Variants in CCDC7 observed in about 807,000 individuals in gnomAD.
CCDC7 encodes the protein coiled-coil domain containing 7.
Under a neutral mutation model 196.9 loss-of-function variants are expected in CCDC7, and 183 were observed. The observed-to-expected ratio is 0.93, with a 90% CI of 0.82 to 1.05. CCDC7 has a LOEUF of 1.05. Ranked by LOEUF, CCDC7 falls within the 50% of genes least tolerant of loss-of-function variation. CCDC7 has a pLI of 0.00. For synonymous variants in CCDC7, 525 were observed against 484.6 expected (o/e 1.08, Z -1.10); for missense variants, 1,540 against 1,482.2 (o/e 1.04, Z -0.64).
intron 28 of CCDC7, among the ~76,000 whole-genome samples, chr10:32,738,910 A>G (rs73261278): frequency 0.053 from 8,059 of 152,140 alleles, 708 homozygotes; most frequent in African/African-American, 0.18. Context: ...GCAACAAATT[A>G]TGTCATTTTT....
At chr10:32,511,556 G>A (rs1230708180) in intron 9 of CCDC7, 1 of 1,607,072 alleles carries the variant, frequency 6.2e-7, no homozygotes, top group Non-Finnish European at 8.5e-7. Context: ...TGAATTTAAT[G>A]TGTATGCAGA....
At chr10:32,597,932 A>G (rs1044048440) in intron 18 of CCDC7, among the ~76,000 whole-genome samples, 10 of 152,252 alleles carry the variant, frequency 6.6e-5, no homozygotes, top group Non-Finnish European at 1.3e-4. Context: ...GGTGCCTCCC[A>G]ATTAGGCTAC....
chr10:32,872,921 TG>T (rs1409579628), intron 41 of CCDC7, among the ~76,000 whole-genome samples: 1 of 152,192 alleles, frequency 6.6e-6, no homozygotes, highest in Admixed American at 6.5e-5. Flanking sequence ...GTTAGTCTGA[TG>T]GGCTTCCCTT....
intron 22 of CCDC7, 78 bp downstream of exon 23, chr10:32,686,158 TCTTGAATTTACAGAAATTTTACCTTGAA>T: frequency 2.8e-6 from 2 of 712,990 alleles, no homozygotes; most frequent in Non-Finnish European, 4.4e-6. Context: ...AGTTCATGAA[TCTTGAATTTACAGAAATTTTACCTTGAA>T]CCTAAAGTAT....
intron 4 of CCDC7, 23 bp downstream of exon 5, chr10:32,462,726 T>G (rs1295035240): frequency 6.9e-7 from 1 of 1,457,002 alleles, no homozygotes; most frequent in Non-Finnish European, 9.3e-7. Context: ...TATTACAGCT[T>G]AAGCCTACTA....
intron 29 of CCDC7, among the ~76,000 whole-genome samples, chr10:32,796,763 T>C (rs2083622855): frequency 6.6e-6 from 1 of 152,182 alleles, no homozygotes; most frequent in African/African-American, 2.4e-5. Context: ...ATAAATAAAA[T>C]GTACAATATA....
At chr10:32,871,098 G>C (rs2094412198) in intron 41 of CCDC7, among the ~76,000 whole-genome samples, 1 of 152,128 alleles carries the variant, frequency 6.6e-6, no homozygotes, top group South Asian at 2.1e-4. Context: ...TTGGTATCAG[G>C]ATGATGCTGG....
intron 20 of CCDC7, among the ~76,000 whole-genome samples, chr10:32,647,152 C>T (rs1391738114): frequency 6.6e-6 from 1 of 152,226 alleles, no homozygotes; most frequent in African/African-American, 2.4e-5. Context: ...TTTGAGACAT[C>T]TCCAAACTGC....
chr10:32,788,493 C>T (rs2082204078), intron 29 of CCDC7, among the ~76,000 whole-genome samples: 1 of 152,194 alleles, frequency 6.6e-6, no homozygotes, highest in Non-Finnish European at 1.5e-5. Flanking sequence ...TGCCCAGTGT[C>T]AGGTAATTTT....
At chr10:32,545,854 C>T (rs1439662018) in intron 13 of CCDC7, among the ~76,000 whole-genome samples, 21 of 148,186 alleles carry the variant, frequency 1.4e-4, no homozygotes, top group South Asian at 1.1e-3. Flanking sequence ...TGCAGTGAGC[C>T]GAGACCACAC....
chr10:32,642,163 A>G (rs2066923342), intron 20 of CCDC7, among the ~76,000 whole-genome samples: 1 of 151,888 alleles, frequency 6.6e-6, no homozygotes, highest in Non-Finnish European at 1.5e-5. Flanking sequence ...GAGAACCACT[A>G]CTCTCTTCAA....
intron 18 of CCDC7, among the ~76,000 whole-genome samples, chr10:32,622,679 TC>T (rs1262816219): frequency 6.6e-6 from 1 of 151,970 alleles, no homozygotes; most frequent in Non-Finnish European, 1.5e-5. Flanking sequence ...ATGCCTGTTC[TC>T]CATCCACTAG....
intron 13 of CCDC7, among the ~76,000 whole-genome samples, chr10:32,545,875 C>T (rs1244193224): frequency 4.1e-5 from 6 of 145,648 alleles, no homozygotes. Context: ...CACTGCACGC[C>T]AGCCTGGGCA....
In CCDC7 at chr10:32,694,872, T is replaced by G; in HGVS notation, c.2345-7T>G. ...CATTAAGAGACTAAATGCATCTCCT[T>G]ATGTAGCTCATGATGAAGAACCAGG... On this transcript the variant is annotated splice_region_variant and splice_polypyrimidine_tract_variant and intron_variant, in intron 23 of 41. Transcript: ENST00000639629. 1 of 1,565,708 alleles carries G rather than the reference T, an allele frequency of 6.4e-7. No homozygotes were observed. The highest frequency in any genetic ancestry group is 8.7e-7 in the Non-Finnish European group (1 of 1,146,878).
At chr10:32,772,835 C>A (rs1249630776) in intron 28 of CCDC7, among the ~76,000 whole-genome samples, 2 of 152,194 alleles carry the variant, frequency 1.3e-5, no homozygotes, top group Non-Finnish European at 2.9e-5. Context: ...ATGCCAGAGG[C>A]AACCTTCCGA....
At chr10:32,703,156 T>A (rs1231300492) in intron 24 of CCDC7, among the ~76,000 whole-genome samples, 1 of 152,126 alleles carries the variant, frequency 6.6e-6, no homozygotes, top group African/African-American at 2.4e-5. Context: ...CTGGTACTGG[T>A]TGTTCCTTTT....
At chr10:32,682,549 A>C (rs781768520) in intron 21 of CCDC7, among the ~76,000 whole-genome samples, 2 of 152,094 alleles carry the variant, frequency 1.3e-5, no homozygotes, top group Non-Finnish European at 2.9e-5. Flanking sequence ...TGGTAGTTCT[A>C]AGTTCTTTGA....
At chr10:32,602,996 T>C (rs11812730) in intron 18 of CCDC7, among the ~76,000 whole-genome samples, 8,074 of 152,208 alleles carry the variant, frequency 0.053, 710 homozygotes, top group African/African-American at 0.18. Flanking sequence ...TTTTGAAATA[T>C]AAAATATTTT....
At chr10:32,833,291 A>T (rs2092355636) in intron 32 of CCDC7, among the ~76,000 whole-genome samples, 1 of 151,976 alleles carries the variant, frequency 6.6e-6, no homozygotes, top group African/African-American at 2.4e-5. Context: ...CTGTGAATAT[A>T]TTAAAAATAT....
Sources: gnomAD v4.1 joint callset for allele counts (sites outside exome capture counted in the v4.1 genomes callset) on GRCh38, gnomAD v4.1.1 for gene constraint, MANE v1.5 for transcripts, NCBI Gene and HGNC (gene_info 2026-07-23, HGNC 2026-07-21) for gene names.